The following CCSER1 variants were observed in gnomAD, a reference collection of about 807,000 sequenced individuals.
CCSER1 encodes the protein serine-rich coiled-coil domain-containing protein 1.
A neutral mutation model predicts 82.0 loss-of-function variants in CCSER1; 41 were observed. The observed-to-expected ratio is 0.50, with a 90% CI of 0.39 to 0.65. The LOEUF is 0.65. CCSER1 is among the 30% of genes least tolerant of loss of function. CCSER1 has a pLI of 0.00. For missense variants in CCSER1, 1,119 were observed against 1,064.2 expected, an observed-to-expected ratio of 1.05 and a Z score of -0.72; for synonymous variants, 414 against 383.9, an observed-to-expected ratio of 1.08 and a Z score of -0.92.
intron 1 of CCSER1, among the ~76,000 whole-genome samples, chr4:90,172,789 G>C (rs913300530): frequency 1.3e-5 from 2 of 151,850 alleles, no homozygotes; most frequent in Non-Finnish European, 2.9e-5. Context: ...GTTTGAAATA[G>C]TAAAATGAAA....
At chr4:90,691,294 G>A (rs1735778107) in intron 6 of CCSER1, among the ~76,000 whole-genome samples, 1 of 146,268 alleles carries the variant, frequency 6.8e-6, no homozygotes, top group South Asian at 2.2e-4. Flanking sequence ...AGATACATAT[G>A]GATTCTAGAG....
At chr4:90,388,812 T>C (rs1750508125) in intron 3 of CCSER1, among the ~76,000 whole-genome samples, 1 of 150,884 alleles carries the variant, frequency 6.6e-6, no homozygotes. Flanking sequence ...ATTTTTGTAT[T>C]TTTGGTAGAG....
chr4:90,514,102 A>T (rs1771925461), intron 5 of CCSER1, among the ~76,000 whole-genome samples: 2 of 152,168 alleles, frequency 1.3e-5, no homozygotes, highest in African/African-American at 4.8e-5. Context: ...TATTGCAGAT[A>T]ACTGATCTGA....
intron 5 of CCSER1, among the ~76,000 whole-genome samples, chr4:90,496,971 C>CAAAAAAAAAAA (rs771281710): frequency 1.4e-4 from 8 of 55,186 alleles, no homozygotes; most frequent in East Asian, 4.9e-4. Context: ...AGCGAGACTA[C>CAAAAAAAAAAA]AAAAAAAAAA....
chr4:91,338,357 T>G (rs556759360), intron 10 of CCSER1, among the ~76,000 whole-genome samples: 21 of 152,174 alleles, frequency 1.4e-4, no homozygotes, highest in Non-Finnish European at 2.1e-4. Context: ...TATTTCAGAT[T>G]CTTAAGGCAC....
At chr4:90,186,764 T>C (rs954158677) in intron 1 of CCSER1, among the ~76,000 whole-genome samples, 1 of 151,930 alleles carries the variant, frequency 6.6e-6, no homozygotes, top group Non-Finnish European at 1.5e-5. Context: ...TTCTATTTTT[T>C]TGTTTGTTTT....
At chr4:90,270,445 G>C (rs188363298) in intron 1 of CCSER1, among the ~76,000 whole-genome samples, 7 of 151,844 alleles carry the variant, frequency 4.6e-5, no homozygotes, top group Admixed American at 3.3e-4. Flanking sequence ...AAAATCATTT[G>C]ATAAAATAAT....
chr4:90,958,737 A>G (rs1733767895), intron 9 of CCSER1, among the ~76,000 whole-genome samples: 1 of 152,154 alleles, frequency 6.6e-6, no homozygotes, highest in Non-Finnish European at 1.5e-5. Context: ...CCCAGTGAAA[A>G]GACAGCCATT....
At chr4:90,784,962 G>A (rs1310280537) in intron 7 of CCSER1, among the ~76,000 whole-genome samples, 2 of 151,956 alleles carry the variant, frequency 1.3e-5, no homozygotes, top group Non-Finnish European at 2.9e-5. Context: ...ACATTGAGTG[G>A]GCTGAGGAGG....
At chr4:91,026,480 A>T (rs1740500087) in intron 9 of CCSER1, among the ~76,000 whole-genome samples, 1 of 151,812 alleles carries the variant, frequency 6.6e-6, no homozygotes, top group African/African-American at 2.4e-5. Context: ...ATTTCATGAA[A>T]CTCTATTCTC....
intron 8 of CCSER1, among the ~76,000 whole-genome samples, chr4:90,820,634 G>A (rs1259410471): frequency 3.3e-5 from 5 of 151,878 alleles, no homozygotes; most frequent in Admixed American, 6.6e-5. Context: ...AATTTGGGGC[G>A]ACATACTCAG....
intron 9 of CCSER1, among the ~76,000 whole-genome samples, chr4:90,926,782 C>T (rs1050142753): frequency 6.6e-6 from 1 of 151,984 alleles, no homozygotes; most frequent in Admixed American, 6.6e-5. Context: ...TAACCTCTTC[C>T]ACGTTCCTCT....
intron 9 of CCSER1, among the ~76,000 whole-genome samples, chr4:91,075,683 A>G (rs186416118): frequency 1.3e-5 from 2 of 152,316 alleles, no homozygotes; most frequent in Admixed American, 6.5e-5. Context: ...TGGAAATGAT[A>G]TAAAAGTATA....
intron 10 of CCSER1, among the ~76,000 whole-genome samples, chr4:91,425,610 G>A (rs1227231837): frequency 6.6e-6 from 1 of 151,752 alleles, no homozygotes; most frequent in African/African-American, 2.4e-5. Flanking sequence ...AGTAAGAATG[G>A]ACCCAATTCA....
intron 10 of CCSER1, among the ~76,000 whole-genome samples, chr4:91,451,134 C>A (rs912713065): frequency 6.6e-6 from 1 of 152,080 alleles, no homozygotes; most frequent in Admixed American, 6.6e-5. Context: ...AAAAGGGGAA[C>A]CCCAGCTTGT....
intron 1 of CCSER1, among the ~76,000 whole-genome samples, chr4:90,161,474 T>A (rs1277243477): frequency 6.6e-6 from 1 of 152,120 alleles, no homozygotes; most frequent in African/African-American, 2.4e-5. Context: ...TTATAATTAA[T>A]TTAAACAAAA....
rs1740575303 is a variant in CCSER1, at chr4:91,255,068, C to T, written c.2217+169074C>T. 2.0e-5 allele frequency among the ~76,000 whole-genome samples: 3 copies of T among 152,030 alleles called. No individual in the cohort carries two copies. In the South Asian group the frequency reaches 6.2e-4, roughly 32 times the overall value. On this transcript the variant is annotated intron_variant, in intron 10 of 10. Transcript: ENST00000509176. The stretch of plus-strand genomic sequence containing the variant: ...TTGTTTTAAAGCAAACACTGTCAAG[C>T]AGAAAGATAAAATAGTCTGTAATAT...
At chr4:91,062,472 G>T (rs529656475) in intron 9 of CCSER1, among the ~76,000 whole-genome samples, 1 of 152,038 alleles carries the variant, frequency 6.6e-6, no homozygotes, top group Non-Finnish European at 1.5e-5. Flanking sequence ...CTCAGACTAT[G>T]TCTGTTAATA....
At chr4:90,142,495 T>C (rs906901806) in intron 1 of CCSER1, among the ~76,000 whole-genome samples, 1 of 152,216 alleles carries the variant, frequency 6.6e-6, no homozygotes, top group Non-Finnish European at 1.5e-5. Context: ...AATGTGGAAG[T>C]TCTTTCATGT....
Sources: allele counts gnomAD v4.1 joint callset (sites outside exome capture counted in the v4.1 genomes callset), GRCh38; gene constraint gnomAD v4.1.1; transcripts MANE v1.5; gene names NCBI Gene and HGNC (gene_info 2026-07-23, HGNC 2026-07-21).